Variants in NSUN3 observed in about 807,000 individuals in gnomAD.
The protein encoded by NSUN3 is tRNA (cytosine(34)-C(5))-methyltransferase, mitochondrial.
Under a neutral mutation model 36.8 loss-of-function variants are expected in NSUN3, and 24 were observed. The ratio of observed to expected loss-of-function variants is 0.65; its 90% CI spans 0.47 to 0.92. The LOEUF is 0.92. NSUN3 is among the 40% of genes least tolerant of loss of function. The probability of loss-of-function intolerance (pLI) is 0.00; values close to 1 mark genes in which losing one functional copy is unlikely to be tolerated. For missense variants in NSUN3, 381 were observed against 392.8 expected, an observed-to-expected ratio of 0.97 and a Z score of 0.25; for synonymous variants, 146 against 145.2, an observed-to-expected ratio of 1.01 and a Z score of -0.04.
chr3:94,064,462 T>C lies in NSUN3; in HGVS notation c.38T>C (p.Leu13Pro). Residue 13 changes from leucine (L) to proline (P), a missense_variant, in exon 2 of 6, where the codon CTT (leucine) becomes CCT (proline). By Grantham distance (98) the Leu-to-Pro change is moderately conservative. Coordinates refer to ENST00000314622, the MANE Select transcript of NSUN3 (RefSeq NM_022072.5). ...CTGAAAGCAAAATCAGAGGGGAAGC[T>C]TGCAAAACAGATTTGCAAAGTTGTG... ...TQLKAKSEGKLAKQICKVVLD... is the reference protein window; with the variant it reads ...TQLKAKSEGKPAKQICKVVLD... 6.2e-7 allele frequency: 1 copy of C among 1,613,840 alleles called. No homozygotes were observed. Among genetic ancestry groups the C allele is most frequent in the East Asian group, 2.2e-5 (1 of 44,846 alleles).
At chr3:94,102,200 G>A (rs1241229336) in intron 5 of NSUN3, among the ~76,000 whole-genome samples, 4 of 60,990 alleles carry the variant, frequency 6.6e-5, no homozygotes, top group East Asian at 3.9e-4. Context: ...TGAAAGAAAC[G>A]TTAAAAAAAA....
chr3:94,087,354 T>A (rs1488683312), intron 3 of NSUN3, among the ~76,000 whole-genome samples: 2 of 152,184 alleles, frequency 1.3e-5, no homozygotes, highest in Admixed American at 6.5e-5. Context: ...GTACTGACCT[T>A]TATTCTGGGC....
chr3:94,078,739 G>A (rs2077256479), intron 2 of NSUN3, among the ~76,000 whole-genome samples: 1 of 152,086 alleles, frequency 6.6e-6, no homozygotes, highest in Non-Finnish European at 1.5e-5. Context: ...TGTTTTATCA[G>A]AGATTAGGAT....
Position 94,069,919 on chromosome 3 carries a change from T to C in NSUN3, c.122+5373T>C, listed in dbSNP as rs2077218568. 2.0e-5 allele frequency among the ~76,000 whole-genome samples: 3 copies of C among 152,214 alleles called. No homozygotes were observed. In the South Asian group the frequency reaches 6.2e-4, roughly 32 times the overall value. On this transcript the variant is annotated intron_variant, in intron 2 of 5. Coordinates refer to ENST00000314622, the MANE Select transcript of NSUN3 (RefSeq NM_022072.5). ...GATATATTAGTTTAGCTTCATTAAC[T>C]GTTTCTCAAAATTCAGTTATTCTTG...
At chr3:94,077,121 A>G in intron 2 of NSUN3, 1 of 760,508 alleles carries the variant, frequency 1.3e-6, no homozygotes. Context: ...TGTACTCCTT[A>G]TGGATCACTC....
chr3:94,102,082 T>G (rs1044623481), intron 5 of NSUN3, among the ~76,000 whole-genome samples: 6 of 151,692 alleles, frequency 4.0e-5, no homozygotes, highest in African/African-American at 1.5e-4. Context: ...ATTTGTGAGC[T>G]CATTGAAAAA....
chr3:94,085,958 T>A (rs2077290951), intron 3 of NSUN3, among the ~76,000 whole-genome samples: 1 of 151,798 alleles, frequency 6.6e-6, no homozygotes, highest in African/African-American at 2.4e-5. Context: ...TTTTTTTTTT[T>A]TTTGAGATGG....
chr3:94,064,560 A>G lies in NSUN3; in HGVS notation c.122+14A>G, dbSNP rs2077195419. The G allele has an allele frequency of 7.0e-7, 1 of 1,437,466 alleles. No homozygotes were observed. The highest frequency in any genetic ancestry group is 9.8e-7 in the Non-Finnish European group (1 of 1,020,074). The allele number at this position is 1,437,466 out of a possible 1,614,324, so 89.0% of individuals were successfully genotyped here. ...GAATACAGTAAGGTTAGTATAATTC[A>G]TCTCGATGCTTTATGATGGAACAAA... is the stretch of plus-strand genomic sequence containing the variant. On this transcript the variant is annotated intron_variant, in intron 2 of 5. Coordinates refer to ENST00000314622, the MANE Select transcript of NSUN3 (RefSeq NM_022072.5).
rs1215198062 is a variant in NSUN3, at chr3:94,129,427, C to G, written c.*2937C>G. ...AAAACTAAATACATATTCTCACTTACAAATGGGAGCTAAATATCGAGTACA... is the reference window on the plus strand; with the variant it reads ...AAAACTAAATACATATTCTCACTTAGAAATGGGAGCTAAATATCGAGTACA... On this transcript the variant is annotated 3_prime_UTR_variant, in exon 6 of 6. Coordinates refer to ENST00000314622, the MANE Select transcript of NSUN3 (RefSeq NM_022072.5). 6.6e-6 allele frequency among the ~76,000 whole-genome samples: 1 copy of G among 152,086 alleles called. No homozygotes were observed. Among genetic ancestry groups the G allele is most frequent in the African/African-American group, 2.4e-5 (1 of 41,388 alleles).
At chr3:94,115,026 C>T (rs1427574833) in intron 5 of NSUN3, among the ~76,000 whole-genome samples, 2 of 151,992 alleles carry the variant, frequency 1.3e-5, no homozygotes. Flanking sequence ...TACATGTGTC[C>T]AGTGTTCTCT....
At chr3:94,090,297 A>T (rs553068510) in intron 3 of NSUN3, among the ~76,000 whole-genome samples, 1 of 152,268 alleles carries the variant, frequency 6.6e-6, no homozygotes, top group African/African-American at 2.4e-5. Context: ...TTGCATTGTG[A>T]CACTTTATAT....
chr3:94,103,861 A>T (rs905186371), intron 5 of NSUN3, among the ~76,000 whole-genome samples: 14 of 152,186 alleles, frequency 9.2e-5, no homozygotes, highest in African/African-American at 3.4e-4. Context: ...TTTGGGAAGG[A>T]GTTATAGCAG....
chr3:94,077,332 G>A (rs2077250613), intron 2 of NSUN3, among the ~76,000 whole-genome samples: 1 of 152,144 alleles, frequency 6.6e-6, no homozygotes, highest in African/African-American at 2.4e-5. Context: ...TACTGGATTT[G>A]GTTTGCCAGT....
At chr3:94,073,307 G>A (rs571285569) in intron 2 of NSUN3, among the ~76,000 whole-genome samples, 111 of 152,220 alleles carry the variant, frequency 7.3e-4, no homozygotes, top group African/African-American at 2.6e-3. Context: ...TAATCCTTTG[G>A]GTATATACCC....
At chr3:94,081,690 TAAACAA>T (rs994085321) in intron 2 of NSUN3, 165 of 152,272 alleles carry the variant, frequency 1.1e-3, no homozygotes, top group African/African-American at 3.9e-3. Flanking sequence ...ATAATCCTCT[TAAACAA>T]TAAGCTTAAA....
chr3:94,079,322 T>A (rs1245805246), intron 2 of NSUN3, among the ~76,000 whole-genome samples: 1 of 152,228 alleles, frequency 6.6e-6, no homozygotes, highest in East Asian at 1.9e-4. Flanking sequence ...CGCTTCCCTT[T>A]GTGGGTGACC....
chr3:94,097,560 T>C (rs1264404188), intron 5 of NSUN3, among the ~76,000 whole-genome samples: 1 of 152,170 alleles, frequency 6.6e-6, no homozygotes, highest in East Asian at 1.9e-4. Flanking sequence ...ATCCGACAGG[T>C]CTGCTAGCAT....
At chr3:94,111,817 CT>C (rs140158512) in intron 5 of NSUN3, among the ~76,000 whole-genome samples, 3,092 of 143,960 alleles carry the variant, frequency 0.021, 46 homozygotes, top group Non-Finnish European at 0.03. Context: ...TTACAGTTAC[CT>C]TTTTTTTTTT....
intron 2 of NSUN3, among the ~76,000 whole-genome samples, chr3:94,070,662 A>G (rs1024647501): frequency 6.6e-6 from 1 of 152,100 alleles, no homozygotes; most frequent in Non-Finnish European, 1.5e-5. Flanking sequence ...TCCTTTCCCA[A>G]CCTGCCTTTC....
Sources: allele counts gnomAD v4.1 joint callset (sites outside exome capture counted in the v4.1 genomes callset), GRCh38; gene constraint gnomAD v4.1.1; transcripts MANE v1.5; gene names NCBI Gene and HGNC (gene_info 2026-07-23, HGNC 2026-07-21).